IPO11: variants seen among roughly 807,000 people sequenced by gnomAD.
The protein encoded by IPO11 is importin-11.
In IPO11, 66 loss-of-function variants were observed where a neutral mutation model predicts 143.2. That is an observed-to-expected ratio of 0.46 (90% CI 0.38 to 0.57). The LOEUF is 0.57. IPO11 is among the 20% of genes least tolerant of loss of function. The pLI is 0.00. For missense variants in IPO11, 1,026 were observed against 1,141.0 expected, an observed-to-expected ratio of 0.90 and a Z score of 1.45; for synonymous variants, 385 against 377.8, an observed-to-expected ratio of 1.02 and a Z score of -0.22.
intron 27 of IPO11, chr5:62,580,578 T>A (rs1213306659): frequency 6.4e-7 from 1 of 1,551,484 alleles, no homozygotes; most frequent in Admixed American, 2.0e-5. Flanking sequence ...CAGCCATTAC[T>A]CTAAACATCT....
At chr5:62,493,426 T>C (rs770951714) in intron 15 of IPO11, among the ~76,000 whole-genome samples, 1 of 152,192 alleles carries the variant, frequency 6.6e-6, no homozygotes, top group Non-Finnish European at 1.5e-5. Flanking sequence ...CATACCTACA[T>C]TGCGGTTCTT....
intron 8 of IPO11, among the ~76,000 whole-genome samples, chr5:62,476,463 G>A (rs1374153583): frequency 6.6e-6 from 1 of 152,112 alleles, no homozygotes; most frequent in Non-Finnish European, 1.5e-5. Context: ...TACTATAAAA[G>A]TGAGTTCAGT....
At chr5:62,617,079 C>T (rs1355065567) in intron 29 of IPO11, among the ~76,000 whole-genome samples, 1 of 152,168 alleles carries the variant, frequency 6.6e-6, no homozygotes, top group Non-Finnish European at 1.5e-5. Flanking sequence ...ACTTGAGATT[C>T]TCATAAGATT....
intron 23 of IPO11, 40 bp downstream of exon 23, chr5:62,536,821 T>G: frequency 7.1e-7 from 1 of 1,416,526 alleles, no homozygotes; most frequent in Admixed American, 3.1e-5. Flanking sequence ...AATTATATAA[T>G]TATTATTTTG....
intron 20 of IPO11, among the ~76,000 whole-genome samples, chr5:62,521,268 G>A (rs917578987): frequency 4.6e-5 from 7 of 152,172 alleles, no homozygotes; most frequent in African/African-American, 1.7e-4. Context: ...AAATACATAG[G>A]AGGTAAATTT....
chr5:62,500,508 T>C (rs1741311311), intron 16 of IPO11, among the ~76,000 whole-genome samples: 1 of 152,156 alleles, frequency 6.6e-6, no homozygotes, highest in Admixed American at 6.5e-5. Flanking sequence ...ATACTTTTGT[T>C]TTATAAAGAG....
At chr5:62,625,366 G>A (rs1746527816) in intron 29 of IPO11, among the ~76,000 whole-genome samples, 1 of 152,168 alleles carries the variant, frequency 6.6e-6, no homozygotes, top group Admixed American at 6.5e-5. Flanking sequence ...GAACCATTCT[G>A]TCTTAGAGTA....
At chr5:62,494,169 A>G (rs771494380) in intron 16 of IPO11, 45 bp downstream of exon 16, 3 of 1,532,008 alleles carry the variant, frequency 2.0e-6, no homozygotes, top group Admixed American at 1.9e-5. Flanking sequence ...TTAAAGTTTC[A>G]TCTGTGCAAA....
At chr5:62,539,127 C>T (rs370090699) in intron 24 of IPO11, among the ~76,000 whole-genome samples, 1 of 152,074 alleles carries the variant, frequency 6.6e-6, no homozygotes, top group East Asian at 1.9e-4. Flanking sequence ...AACAAAATAC[C>T]ACAACCTTGG....
intron 22 of IPO11, among the ~76,000 whole-genome samples, chr5:62,533,531 T>C (rs1250714676): frequency 6.6e-6 from 1 of 152,092 alleles, no homozygotes; most frequent in East Asian, 1.9e-4. Context: ...TTCATGAAAG[T>C]TTAAAAATTT....
At chr5:62,552,477 T>G (rs1743422413) in intron 26 of IPO11, among the ~76,000 whole-genome samples, 1 of 151,074 alleles carries the variant, frequency 6.6e-6, no homozygotes, top group South Asian at 2.1e-4. Context: ...TTTTTAGTTT[T>G]TTTTTTTTTT....
intron 1 of IPO11, chr5:62,419,154 C>G: frequency 6.5e-7 from 1 of 1,542,774 alleles, no homozygotes; most frequent in Non-Finnish European, 8.7e-7. Context: ...TTAAACATGT[C>G]TAAACTTAGA....
chr5:62,492,170 G>C (rs1746638331), intron 15 of IPO11, among the ~76,000 whole-genome samples: 1 of 152,118 alleles, frequency 6.6e-6, no homozygotes. Context: ...TTTTACTTCT[G>C]TTTGGATGTG....
At chr5:62,580,305 G>C (rs927564435) in intron 27 of IPO11, 2 of 1,537,008 alleles carry the variant, frequency 1.3e-6, no homozygotes, top group African/African-American at 2.7e-5. Flanking sequence ...ATGATTTAGA[G>C]AATTTAAATT....
intron 28 of IPO11, among the ~76,000 whole-genome samples, chr5:62,594,463 G>C (rs1445051115): frequency 2.6e-5 from 4 of 152,204 alleles, no homozygotes; most frequent in Admixed American, 6.5e-5. Context: ...GAAGCAGCCA[G>C]AGGATGAATT....
At chr5:62,587,149 G>C (rs369258116) in intron 27 of IPO11, among the ~76,000 whole-genome samples, 2 of 151,946 alleles carry the variant, frequency 1.3e-5, no homozygotes, top group East Asian at 1.9e-4. Flanking sequence ...TAGTCTTGAA[G>C]ATAATGGTTT....
At chr5:62,561,026 A>G (rs1743751386) in intron 26 of IPO11, 110 bp from the exon 27 acceptor site, 1 of 950,606 alleles carries the variant, frequency 1.1e-6, no homozygotes, top group Admixed American at 3.0e-5. Flanking sequence ...TCTGTGGTTT[A>G]CTATAATTGA....
chr5:62,618,676 G>GT (rs1746231276), intron 29 of IPO11, among the ~76,000 whole-genome samples: 1 of 151,974 alleles, frequency 6.6e-6, no homozygotes, highest in African/African-American at 2.4e-5. Context: ...TTTCAGGACA[G>GT]TTTTCCCATA....
chr5:62,522,957 A>G (rs1742251946), intron 20 of IPO11, among the ~76,000 whole-genome samples: 1 of 152,174 alleles, frequency 6.6e-6, no homozygotes, highest in Non-Finnish European at 1.5e-5. Flanking sequence ...TGTCCCCTAA[A>G]TGCAGGCATG....
Sources: allele counts gnomAD v4.1 joint callset (sites outside exome capture counted in the v4.1 genomes callset), GRCh38; gene constraint gnomAD v4.1.1; transcripts MANE v1.5; gene names NCBI Gene and HGNC (gene_info 2026-07-23, HGNC 2026-07-21).